The following SEMA6D variants were observed in gnomAD, a reference collection of about 807,000 sequenced individuals.
SEMA6D encodes the protein semaphorin-6D.
A neutral mutation model predicts 106.6 loss-of-function variants in SEMA6D; 35 were observed. That is an observed-to-expected ratio of 0.33 (90% CI 0.25 to 0.44). The LOEUF is 0.44. Among genes scored for constraint, SEMA6D ranks in the 20% least tolerant of loss-of-function variants. SEMA6D has a pLI of 1.00. For missense variants in SEMA6D, 1,185 were observed against 1,345.9 expected (o/e 0.88, Z 1.87); for synonymous variants, 499 against 487.7 (o/e 1.02, Z -0.31).
At chr15:47,557,074 A>G (rs1467101847) in intron 3 of SEMA6D, among the ~76,000 whole-genome samples, 1 of 152,178 alleles carries the variant, frequency 6.6e-6, no homozygotes, top group East Asian at 1.9e-4. Flanking sequence ...TACAGTGTCA[A>G]GAAGTAAAAG....
intron 2 of SEMA6D, among the ~76,000 whole-genome samples, chr15:47,457,016 C>T (rs1412180533): frequency 6.6e-6 from 1 of 151,942 alleles, no homozygotes; most frequent in South Asian, 2.1e-4. Context: ...GAAACAGTCT[C>T]AAGAGATCAC....
chr15:47,348,706 CA>C (rs779853530), intron 1 of SEMA6D, among the ~76,000 whole-genome samples: 5,602 of 59,072 alleles, frequency 0.095, 150 homozygotes, highest in South Asian at 0.26. Flanking sequence ...CACACACACA[CA>C]CACACACACA....
At chr15:47,323,799 G>T (rs564720537) in intron 1 of SEMA6D, among the ~76,000 whole-genome samples, 10 of 152,148 alleles carry the variant, frequency 6.6e-5, no homozygotes, top group African/African-American at 2.4e-4. Flanking sequence ...AAAAGAAAAA[G>T]AAGAAATGAA....
intron 2 of SEMA6D, 60 bp from the exon 3 acceptor site, chr15:47,760,244 G>T: frequency 8.3e-7 from 1 of 1,207,418 alleles, no homozygotes; most frequent in South Asian, 1.3e-5. Flanking sequence ...AATCAATGCT[G>T]TTTATTGATC....
intron 1 of SEMA6D, among the ~76,000 whole-genome samples, chr15:47,283,864 G>C (rs192423824): frequency 6.6e-6 from 1 of 152,268 alleles, no homozygotes; most frequent in East Asian, 1.9e-4. Flanking sequence ...GCACAGACAG[G>C]GTCCTGATCA....
At chr15:47,217,589 G>GTGTA (rs1156685201) in intron 1 of SEMA6D, among the ~76,000 whole-genome samples, 1 of 151,246 alleles carries the variant, frequency 6.6e-6, no homozygotes, top group Non-Finnish European at 1.5e-5. Flanking sequence ...GTGTGTGTGT[G>GTGTA]TGTGTTTAAT....
chr15:47,401,126 G>A (rs1445064413), intron 1 of SEMA6D, among the ~76,000 whole-genome samples: 1 of 152,144 alleles, frequency 6.6e-6, no homozygotes, highest in African/African-American at 2.4e-5. Context: ...TTGAAATCAT[G>A]CCCAATAGGT....
chr15:47,686,299 A>G (rs557685732), intron 4 of SEMA6D, among the ~76,000 whole-genome samples: 2 of 152,390 alleles, frequency 1.3e-5, no homozygotes, highest in African/African-American at 4.8e-5. Flanking sequence ...CAGAAGAATT[A>G]CTTAACTAAG....
chr15:47,482,973 A>G (rs1254618278), intron 3 of SEMA6D, among the ~76,000 whole-genome samples: 1 of 152,180 alleles, frequency 6.6e-6, no homozygotes, highest in Non-Finnish European at 1.5e-5. Context: ...AAAAGTAGAT[A>G]TAGATACTTG....
intron 1 of SEMA6D, among the ~76,000 whole-genome samples, chr15:47,265,749 T>C (rs993295): frequency 0.78 from 119,036 of 151,906 alleles, 49,054 homozygotes; most frequent in Non-Finnish European, 0.92. Context: ...GGTACCGATT[T>C]CCCCCACTGT....
chr15:47,219,386 C>T (rs906576058), intron 1 of SEMA6D, among the ~76,000 whole-genome samples: 2 of 152,186 alleles, frequency 1.3e-5, no homozygotes, highest in African/African-American at 4.8e-5. Context: ...ATTTCTCTAA[C>T]ATGGCTAAAT....
At chr15:47,473,292 A>G (rs1223150437) in intron 3 of SEMA6D, among the ~76,000 whole-genome samples, 1 of 152,110 alleles carries the variant, frequency 6.6e-6, no homozygotes, top group Non-Finnish European at 1.5e-5. Flanking sequence ...CCGGGGCTAG[A>G]GAAGATTTAG....
At chr15:47,682,389 G>C (rs183545600) in intron 4 of SEMA6D, among the ~76,000 whole-genome samples, 4 of 152,042 alleles carry the variant, frequency 2.6e-5, no homozygotes, top group African/African-American at 7.2e-5. Flanking sequence ...GGGTGGTGTC[G>C]ATCTCCTGAC....
At chr15:47,614,812 G>A (rs1035876626) in intron 4 of SEMA6D, among the ~76,000 whole-genome samples, 3 of 152,218 alleles carry the variant, frequency 2.0e-5, no homozygotes, top group African/African-American at 7.2e-5. Context: ...ATGTGTGACA[G>A]TGACAATTTA....
chr15:47,431,235 G>A (rs2041511531), intron 2 of SEMA6D, among the ~76,000 whole-genome samples: 1 of 151,860 alleles, frequency 6.6e-6, no homozygotes, highest in African/African-American at 2.4e-5. Context: ...TTTGATTTAA[G>A]GGACTTTTAT....
intron 3 of SEMA6D, among the ~76,000 whole-genome samples, chr15:47,477,602 G>A (rs536733545): frequency 6.6e-6 from 1 of 152,244 alleles, no homozygotes; most frequent in East Asian, 1.9e-4. Context: ...GTTTTAATAA[G>A]CAAGAGAATT....
chr15:47,187,702 C>T (rs1252126654), intron 1 of SEMA6D, among the ~76,000 whole-genome samples: 1 of 151,954 alleles, frequency 6.6e-6, no homozygotes, highest in Admixed American at 6.6e-5. Flanking sequence ...TAAATTAATA[C>T]TATGTTGGGT....
At chr15:47,229,272 C>G (rs1396752442) in intron 1 of SEMA6D, among the ~76,000 whole-genome samples, 2 of 151,912 alleles carry the variant, frequency 1.3e-5, no homozygotes, top group Admixed American at 6.6e-5. Flanking sequence ...GACTAAAGAT[C>G]TATTTGTTTT....
intron 3 of SEMA6D, among the ~76,000 whole-genome samples, chr15:47,484,589 A>T (rs2043243498): frequency 6.6e-6 from 1 of 152,156 alleles, no homozygotes; most frequent in Non-Finnish European, 1.5e-5. Flanking sequence ...AGTATATAAG[A>T]TATTATTACC....
Sources: gnomAD v4.1 joint callset for allele counts (sites outside exome capture counted in the v4.1 genomes callset) on GRCh38, gnomAD v4.1.1 for gene constraint, MANE v1.5 for transcripts, NCBI Gene and HGNC (gene_info 2026-07-23, HGNC 2026-07-21) for gene names.